The following TMEM117 variants were observed in gnomAD, a reference collection of about 807,000 sequenced individuals.
The protein encoded by TMEM117 is transmembrane protein 117.
Under a neutral mutation model 52.4 loss-of-function variants are expected in TMEM117, and 27 were observed. The observed-to-expected ratio is 0.51, with a 90% confidence interval of 0.38 to 0.71. The LOEUF is 0.71. TMEM117 is among the 30% of genes least tolerant of loss of function. TMEM117 has a pLI of 0.00. For synonymous variants in TMEM117, 215 were observed against 206.3 expected, an observed-to-expected ratio of 1.04 and a Z score of -0.36; for missense variants, 556 against 630.5, an observed-to-expected ratio of 0.88 and a Z score of 1.26.
chr12:44,059,580 G>A (rs935123314), intron 3 of TMEM117, among the ~76,000 whole-genome samples: 9 of 152,202 alleles, frequency 5.9e-5, no homozygotes, highest in African/African-American at 1.9e-4. Flanking sequence ...ACAAAAGTTT[G>A]CACCATTCTA....
At chr12:43,912,692 G>C (rs765857484) in intron 2 of TMEM117, among the ~76,000 whole-genome samples, 35 of 150,930 alleles carry the variant, frequency 2.3e-4, no homozygotes, top group South Asian at 6.3e-4. Context: ...TTTTCACCTT[G>C]GTTAATATTA....
At chr12:44,167,041 T>C (rs757180738) in intron 4 of TMEM117, among the ~76,000 whole-genome samples, 12 of 152,218 alleles carry the variant, frequency 7.9e-5, no homozygotes, top group Non-Finnish European at 1.6e-4. Context: ...TGTGGGATTA[T>C]TACATCTTTT....
chr12:44,192,274 T>C (rs1949365216), intron 4 of TMEM117, among the ~76,000 whole-genome samples: 1 of 152,166 alleles, frequency 6.6e-6, no homozygotes, highest in Non-Finnish European at 1.5e-5. Flanking sequence ...ACGTGAGGCT[T>C]AGACATGTGA....
At chr12:44,024,220 A>C (rs1444182658) in intron 3 of TMEM117, among the ~76,000 whole-genome samples, 1 of 152,206 alleles carries the variant, frequency 6.6e-6, no homozygotes, top group Non-Finnish European at 1.5e-5. Context: ...GGCAAAGAAA[A>C]TGTAGCTAAA....
intron 6 of TMEM117, among the ~76,000 whole-genome samples, chr12:44,349,683 T>G (rs1444286000): frequency 6.6e-6 from 1 of 152,068 alleles, no homozygotes; most frequent in Non-Finnish European, 1.5e-5. Context: ...CCCTGAGGGC[T>G]TAACCTGTCA....
At chr12:43,850,805 T>C (rs1162073234) in intron 2 of TMEM117, among the ~76,000 whole-genome samples, 1 of 152,344 alleles carries the variant, frequency 6.6e-6, no homozygotes, top group Middle Eastern at 3.4e-3. Context: ...CATTTATTCA[T>C]TATTCATTTT....
intron 5 of TMEM117, among the ~76,000 whole-genome samples, chr12:44,260,093 C>T (rs1455050809): frequency 6.6e-6 from 1 of 152,184 alleles, no homozygotes; most frequent in African/African-American, 2.4e-5. Flanking sequence ...AACGTAGGGA[C>T]CGATGGTACA....
At chr12:44,198,551 C>T (rs1949451145) in intron 4 of TMEM117, among the ~76,000 whole-genome samples, 1 of 152,096 alleles carries the variant, frequency 6.6e-6, no homozygotes, top group African/African-American at 2.4e-5. Context: ...AGGATGGACA[C>T]ACACCCAAAA....
intron 3 of TMEM117, among the ~76,000 whole-genome samples, chr12:43,961,115 GGTT>G (rs1292912593): frequency 6.6e-6 from 1 of 152,024 alleles, no homozygotes; most frequent in Non-Finnish European, 1.5e-5. Context: ...CCCATTTCAG[GGTT>G]GTTGTGACAA....
intron 3 of TMEM117, among the ~76,000 whole-genome samples, chr12:43,979,894 A>G (rs1945732842): frequency 6.6e-6 from 1 of 152,178 alleles, no homozygotes; most frequent in Non-Finnish European, 1.5e-5. Context: ...AGTGGCCGTT[A>G]TTAGAAAGGG....
At chr12:44,130,380 A>G (rs1425612958) in intron 3 of TMEM117, among the ~76,000 whole-genome samples, 1 of 152,152 alleles carries the variant, frequency 6.6e-6, no homozygotes, top group East Asian at 1.9e-4. Context: ...CCTTCCCTCC[A>G]AAGTAATAAC....
At chr12:43,799,593 A>G in the TMEM117 span, 1 of 597,580 alleles carries the variant, frequency 1.7e-6, no homozygotes, top group Non-Finnish European at 2.7e-6. Context: ...ATTAACAGAA[A>G]AGATTTTAAA....
chr12:44,247,026 C>G (rs1222922325), intron 5 of TMEM117, among the ~76,000 whole-genome samples: 1 of 152,104 alleles, frequency 6.6e-6, no homozygotes, highest in Non-Finnish European at 1.5e-5. Flanking sequence ...TTTTGATTTG[C>G]ATTTAGATAC....
chr12:44,036,311 A>G (rs1946709514), intron 3 of TMEM117, among the ~76,000 whole-genome samples: 1 of 152,246 alleles, frequency 6.6e-6, no homozygotes, highest in Non-Finnish European at 1.5e-5. Flanking sequence ...ACTCAGCTTA[A>G]GCAACTAATG....
chr12:43,862,275 TCTC>T (rs530208429), intron 2 of TMEM117, among the ~76,000 whole-genome samples: 62 of 152,274 alleles, frequency 4.1e-4, no homozygotes, highest in African/African-American at 1.3e-3. Flanking sequence ...TTCACACCAT[TCTC>T]CTGCCTCAGC....
intron 3 of TMEM117, among the ~76,000 whole-genome samples, chr12:44,086,158 G>A (rs1262991857): frequency 6.6e-6 from 1 of 151,464 alleles, no homozygotes; most frequent in African/African-American, 2.4e-5. Context: ...TATTTCAACA[G>A]GATATTGAGT....
chr12:44,237,938 G>A (rs1950018000), intron 5 of TMEM117, among the ~76,000 whole-genome samples: 1 of 152,116 alleles, frequency 6.6e-6, no homozygotes, highest in Admixed American at 6.6e-5. Context: ...TATGCATTGA[G>A]AATATACTCA....
intron 3 of TMEM117, among the ~76,000 whole-genome samples, chr12:44,101,381 T>C (rs935073654): frequency 1.3e-5 from 2 of 151,958 alleles, no homozygotes; most frequent in African/African-American, 4.8e-5. Context: ...TCTTTGACTA[T>C]TTCCTTTCAG....
At chr12:44,055,166 A>T (rs895600102) in intron 3 of TMEM117, among the ~76,000 whole-genome samples, 7 of 151,896 alleles carry the variant, frequency 4.6e-5, no homozygotes, top group Admixed American at 2.6e-4. Flanking sequence ...TATTTTATTT[A>T]AAAAAACTCT....
Sources: allele counts gnomAD v4.1 joint callset (sites outside exome capture counted in the v4.1 genomes callset), GRCh38; gene constraint gnomAD v4.1.1; transcripts MANE v1.5; gene names NCBI Gene and HGNC (gene_info 2026-07-23, HGNC 2026-07-21).